MAST2: variants seen among roughly 807,000 people sequenced by gnomAD.
MAST2 encodes microtubule-associated serine/threonine-protein kinase 2.
Under a neutral mutation model 147.4 loss-of-function variants are expected in MAST2, and 70 were observed. The observed-to-expected ratio is 0.47, with a 90% CI of 0.39 to 0.58. The LOEUF (loss-of-function observed/expected upper bound fraction) is 0.58, where lower values mean the gene tolerates loss of function less well. MAST2 is among the 20% of genes least tolerant of loss of function. The pLI, the probability that MAST2 is intolerant of heterozygous loss-of-function variation, is 0.00. For missense variants in MAST2, 2,080 were observed against 2,302.3 expected (o/e 0.90, Z 1.98); for synonymous variants, 869 against 896.8 (o/e 0.97, Z 0.55).
At chr1:45,987,777 A>ATTTTTT in intron 5 of MAST2, among the ~76,000 whole-genome samples, 53 of 21,816 alleles carry the variant, frequency 2.4e-3, no homozygotes, top group Admixed American at 6.1e-3. Context: ...TTTTTTTTTG[A>ATTTTTT]TTTTTTTTTT....
chr1:45,814,487 T>C (rs1644394769), intron 1 of MAST2, among the ~76,000 whole-genome samples: 1 of 152,198 alleles, frequency 6.6e-6, no homozygotes, highest in African/African-American at 2.4e-5. Context: ...ATTTTTTTAA[T>C]AGAAGAAAGC....
At chr1:45,858,016 T>C (rs909149338) in intron 3 of MAST2, among the ~76,000 whole-genome samples, 8 of 152,182 alleles carry the variant, frequency 5.3e-5, no homozygotes, top group African/African-American at 1.9e-4. Context: ...CTATCATTGA[T>C]GGACATTTGG....
rs184302309 is a variant in MAST2, at chr1:45,934,872, A to G, written c.501-24514A>G. ...TGCTGTGATGAACATGTGAGTGCATATGTCTTTTTGATAGAACGACTTATT... is the reference window on the plus strand; with the variant it reads ...TGCTGTGATGAACATGTGAGTGCATGTGTCTTTTTGATAGAACGACTTATT... On this transcript the variant is annotated intron_variant, in intron 4 of 28. Transcript: ENST00000361297. Among the ~76,000 whole-genome samples the G allele has an allele frequency of 5.3e-5, 8 of 152,324 alleles. No individual in the cohort carries two copies. The East Asian group carries it at 1.2e-3, about 22-fold the overall frequency.
At chr1:45,807,585 A>C (rs867227868) in intron 1 of MAST2, among the ~76,000 whole-genome samples, 9 of 150,354 alleles carry the variant, frequency 6.0e-5, no homozygotes, top group Admixed American at 3.3e-4. Context: ...TTTGTTGCCC[A>C]GGCTGGAGTG....
chr1:45,817,921 CTTG>C (rs144715918), intron 1 of MAST2, among the ~76,000 whole-genome samples: 3,680 of 152,242 alleles, frequency 0.024, 154 homozygotes, highest in African/African-American at 0.085. Flanking sequence ...AATGTTTGTT[CTTG>C]TTGTGTAAAA....
rs1041893386 is a variant in MAST2, at chr1:45,923,089, C to T, written c.501-36297C>T. On this transcript the variant is annotated intron_variant, in intron 4 of 28. Coordinates refer to ENST00000361297, the MANE Select transcript of MAST2 (RefSeq NM_015112.3). ...GACCTCTGTGCCCCATGTGCAAGCACGGGACCACCCTGGGCCCAGCTCTGC... is the reference window on the plus strand; with the variant it reads ...GACCTCTGTGCCCCATGTGCAAGCATGGGACCACCCTGGGCCCAGCTCTGC... Among the ~76,000 whole-genome samples the T allele has an allele frequency of 1.8e-4, 28 of 152,234 alleles. No homozygotes were observed. The Middle Eastern group carries it at 0.01, about 55-fold the overall frequency.
rs770370487 is a variant in MAST2, at chr1:45,959,438, A to G, written c.553A>G (p.Thr185Ala). ...GATTGTGACCTCTAGCACATCACCT[A>G]CACTACCACGGCCACACTCACCACT... ...SLIVTSSTSP[T>A]LPRPHSPLHG... Residue 185 changes from threonine (T) to alanine (A), a missense_variant, in exon 5 of 29, where the codon ACA becomes GCA. Thr to Ala is a moderately conservative substitution (Grantham distance 58, BLOSUM62 0). Around this residue, in one of 4 missense-constraint regions of MAST2, gnomAD observed 569 missense variants for 642.5 expected, o/e 0.89. Transcript: ENST00000361297. The G allele has an allele frequency of 1.2e-6, 2 of 1,613,774 alleles. No individual in the cohort carries two copies. The highest frequency in any genetic ancestry group is 1.7e-6 in the Non-Finnish European group (2 of 1,179,802).
At chr1:45,836,963 T>C (rs1170175183) in intron 3 of MAST2, among the ~76,000 whole-genome samples, 7 of 152,146 alleles carry the variant, frequency 4.6e-5, no homozygotes, top group Non-Finnish European at 8.8e-5. Context: ...TTAGCTAGAT[T>C]CTCATGAGGA....
chr1:46,033,974 C>T (rs749597892), intron 27 of MAST2, 36 bp downstream of exon 27: 4 of 1,612,102 alleles, frequency 2.5e-6, no homozygotes, highest in Non-Finnish European at 3.4e-6. Flanking sequence ...TTTCTCTGAG[C>T]CACATGAGTG....
intron 4 of MAST2, among the ~76,000 whole-genome samples, chr1:45,893,599 T>A (rs61296343): frequency 0.21 from 30,034 of 143,444 alleles, 3,570 homozygotes; most frequent in Non-Finnish European, 0.28. Context: ...TAGGATATTT[T>A]AAAAAAAAAA....
At chr1:45,834,767 G>C (rs1261303411) in intron 3 of MAST2, among the ~76,000 whole-genome samples, 3 of 152,078 alleles carry the variant, frequency 2.0e-5, no homozygotes, top group Admixed American at 2.0e-4. Context: ...GTAAAATGAG[G>C]TCAGTTCCTG....
chr1:45,886,029 T>A (rs1647067384), intron 4 of MAST2, among the ~76,000 whole-genome samples: 1 of 151,972 alleles, frequency 6.6e-6, no homozygotes, highest in African/African-American at 2.4e-5. Context: ...TTTGAGAGAC[T>A]AAGGCAGGAG....
chr1:45,877,932 G>A (rs1189802638), intron 3 of MAST2, among the ~76,000 whole-genome samples: 3 of 152,096 alleles, frequency 2.0e-5, no homozygotes, highest in African/African-American at 4.8e-5. Flanking sequence ...GGTTGGGCAC[G>A]GTGGCTCACG....
Position 46,031,948 on chromosome 1 carries a change from G to T in MAST2, c.3188-230G>T, listed in dbSNP as rs1168148660. Among the ~76,000 whole-genome samples the T allele has an allele frequency of 6.6e-6, 1 of 152,150 alleles. No homozygotes were observed. The highest frequency in any genetic ancestry group is 1.5e-5 in the Non-Finnish European group (1 of 68,038). On this transcript the variant is annotated intron_variant, in intron 24 of 28. Transcript: ENST00000361297. This position sits in a 1 kb window ranked among gnomAD's most constrained non-coding sequence, Gnocchi z 4.1. The stretch of plus-strand genomic sequence containing the variant: ...TGTGACATTTAAATATATATGACAA[G>T]CTTATATAGTCCCTGATACACACAT...
chr1:45,814,908 T>G lies in MAST2; in HGVS notation c.178-9525T>G, dbSNP rs192064563. Among the ~76,000 whole-genome samples, 3 of 152,358 alleles carry G rather than the reference T, an allele frequency of 2.0e-5. No homozygotes were observed. The East Asian group carries it at 5.8e-4, about 29-fold the overall frequency. On this transcript the variant is annotated intron_variant, in intron 1 of 28. Transcript: ENST00000361297. ...TGCATTTTCCCCTTCAGGGAAACTT[T>G]TATGGATTTTTTTATTAAGTAACTG...
At chr1:45,811,567 C>T (rs936989625) in intron 1 of MAST2, among the ~76,000 whole-genome samples, 4 of 149,398 alleles carry the variant, frequency 2.7e-5, no homozygotes, top group African/African-American at 9.9e-5. Context: ...TCTCGATCTC[C>T]TGACCTCGTG....
chr1:45,908,327 C>A lies in MAST2; in HGVS notation c.500+25932C>A, dbSNP rs1651113528. Among the ~76,000 whole-genome samples, 3 of 152,218 alleles carry A rather than the reference C, an allele frequency of 2.0e-5. No homozygotes were observed. In the South Asian group the frequency reaches 6.2e-4, roughly 32 times the overall value. On this transcript the variant is annotated intron_variant, in intron 4 of 28. Transcript: ENST00000361297. ...CCCATAATCTACATTAGGTATTTCT[C>A]CCAATGCTATCCCTCCCTGGACTTT...
intron 5 of MAST2, among the ~76,000 whole-genome samples, chr1:45,978,081 CAAAA>C (rs1191742226): frequency 6.6e-6 from 1 of 151,576 alleles, no homozygotes; most frequent in Non-Finnish European, 1.5e-5. Context: ...AAAAACCACA[CAAAA>C]AAACCTGTAC....
intron 3 of MAST2, chr1:45,846,964 T>G (rs1645458462): frequency 8.3e-6 from 2 of 239,790 alleles, no homozygotes; most frequent in Non-Finnish European, 1.7e-5. Context: ...GCTCTCAAAT[T>G]ATTTATTTTG....
Sources: gnomAD v4.1 joint callset for allele counts (sites outside exome capture counted in the v4.1 genomes callset) on GRCh38, gnomAD v4.1.1 for gene constraint, gnomAD v4.1.1 regional missense constraint, Gnocchi (gnomAD v3.1) non-coding constraint, MANE v1.5 for transcripts, NCBI Gene and HGNC (gene_info 2026-07-23, HGNC 2026-07-21) for gene names.